Variants in SLC25A1 observed in about 807,000 individuals in gnomAD.
The protein encoded by SLC25A1 is tricarboxylate transport protein, mitochondrial.
SLC25A1 carries 26 observed loss-of-function variants against 38.1 expected under a neutral mutation model. The ratio of observed to expected loss-of-function variants is 0.68; its 90% CI spans 0.50 to 0.95. SLC25A1 has a LOEUF of 0.95. Among genes scored for constraint, SLC25A1 ranks in the 40% least tolerant of loss-of-function variants. The pLI is 0.00. For missense variants in SLC25A1, 378 were observed against 426.6 expected, an observed-to-expected ratio of 0.89 and a Z score of 1.00; for synonymous variants, 211 against 183.2, an observed-to-expected ratio of 1.15 and a Z score of -1.23.
chr22:19,176,332 C>T (rs2083958993), intron 8 of SLC25A1, 88 bp from the exon 9 acceptor site: 1 of 1,559,692 alleles, frequency 6.4e-7, no homozygotes, highest in Non-Finnish European at 8.8e-7. Context: ...GTGAGAGGCA[C>T]AGAGGCCTGA....
In SLC25A1 at chr22:19,175,749, A is replaced by T; in HGVS notation, c.*381T>A. On this transcript the variant is annotated 3_prime_UTR_variant, in exon 9 of 9. Coordinates refer to ENST00000215882, the MANE Select transcript of SLC25A1 (RefSeq NM_005984.5). ...TGAAGCCAGGCCGAGGCCCGGAGGC[A>T]GCTGTGGTAGGCCAGGGCAGGGTGG... 1 of 230,670 alleles carries T rather than the reference A, an allele frequency of 4.3e-6. No individual in the cohort carries two copies. Among genetic ancestry groups the T allele is most frequent in the Non-Finnish European group, 8.6e-6 (1 of 116,362 alleles). The allele number at this position is 230,670 out of a possible 1,614,324, so 14.3% of individuals were successfully genotyped here. A position where few individuals can be genotyped will look rare whatever the true frequency, so the allele number is the denominator to read the frequency against.
chr22:19,176,400 C>T (rs1555922264), intron 8 of SLC25A1, 21 bp downstream of exon 8: 3 of 1,610,248 alleles, frequency 1.9e-6, no homozygotes, highest in Admixed American at 1.7e-5. Context: ...GGGACAATAG[C>T]CCTGCCCCTC....
intron 8 of SLC25A1, 86 bp downstream of exon 8, chr22:19,176,335 A>T: frequency 1.3e-6 from 2 of 1,554,174 alleles, no homozygotes; most frequent in South Asian, 2.2e-5. Flanking sequence ...AGAGGCACAG[A>T]GGCCTGAAGG....
rs1363520917 is a variant in SLC25A1 at position 19,178,421 on chromosome 22, C to A, written c.94+159G>T. On this transcript the variant is annotated intron_variant, in intron 1 of 8. Transcript: ENST00000215882. This position sits in a 1 kb window ranked among gnomAD's most constrained non-coding sequence, Gnocchi z 4.9. ...CCGGCGAGGCGCAGGGGGTGACAGACGGGAGGCGGGCGAGTCCCAGCGCGC... is the reference window on the plus strand; with the variant it reads ...CCGGCGAGGCGCAGGGGGTGACAGAAGGGAGGCGGGCGAGTCCCAGCGCGC... The A allele has an allele frequency of 7.3e-7, 1 of 1,377,828 alleles. No homozygotes were observed. The highest frequency in any genetic ancestry group is 9.3e-7 in the Non-Finnish European group (1 of 1,071,810). 85.4% of individuals were successfully genotyped at this position (1,377,828 alleles called of 1,614,324 possible).
Position 19,176,021 on chromosome 22 carries a change from G to A in SLC25A1, c.*109C>T, listed in dbSNP as rs1192680692. The A allele has an allele frequency of 2.6e-5, 22 of 849,116 alleles. 1 individual carries two copies. Among genetic ancestry groups the A allele is most frequent in the East Asian group, 1.7e-4 (7 of 40,420 alleles). 52.6% of individuals were successfully genotyped at this position (849,116 alleles called of 1,614,324 possible). A position where few individuals can be genotyped will look rare whatever the true frequency, so the allele number is the denominator to read the frequency against. ...ATGCACAGACCAGGCTACAGAGCTC[G>A]AGGGACGTGGGAAGGGGCCTTTTGG... On this transcript the variant is annotated 3_prime_UTR_variant, in exon 9 of 9. Coordinates refer to ENST00000215882, the MANE Select transcript of SLC25A1 (RefSeq NM_005984.5).
Position 19,178,659 on chromosome 22 carries a change from G to A in SLC25A1, c.15C>T (p.Arg5=), listed in dbSNP as rs1430894741. The change falls in exon 1 of 9, where the codon CGC becomes CGT. Residue 5 remains arginine, a synonymous_variant. Coordinates refer to ENST00000215882, the MANE Select transcript of SLC25A1 (RefSeq NM_005984.5). The surrounding 1 kb of genome is among the most constrained non-coding windows in gnomAD (Gnocchi z 4.9). ...CGGCGGCCGCCAGAGCGCGCGGGGC[G>A]CGGGGCGCGGGCATGGCGGGCGGGA... MPAP[R]APRALAAAAP... is the part of the protein sequence containing the mutation. 39 of 1,161,686 alleles carry A rather than the reference G, an allele frequency of 3.4e-5. No homozygotes were observed. Among genetic ancestry groups the A allele is most frequent in the Admixed American group, 2.3e-4 (5 of 21,328 alleles). The allele number at this position is 1,161,686 out of a possible 1,614,324, so 72.0% of individuals were successfully genotyped here.
Position 19,178,690 on chromosome 22 carries a change from G to C in SLC25A1, c.-17C>G. On this transcript the variant is annotated 5_prime_UTR_variant, in exon 1 of 9. Coordinates refer to ENST00000215882, the MANE Select transcript of SLC25A1 (RefSeq NM_005984.5). The surrounding 1 kb of genome is among the most constrained non-coding windows in gnomAD (Gnocchi z 4.9). ...CGCGGGCATGGCGGGCGGGAGGCGG[G>C]GCGCCCTGTGGCGGCTTCGGGTCCG... 3 of 1,061,404 alleles carry C rather than the reference G, an allele frequency of 2.8e-6. No individual in the cohort carries two copies. Among genetic ancestry groups the C allele is most frequent in the Non-Finnish European group, 3.4e-6 (3 of 870,290 alleles). 65.7% of individuals were successfully genotyped at this position (1,061,404 alleles called of 1,614,324 possible). A position where few individuals can be genotyped will look rare whatever the true frequency, so the allele number is the denominator to read the frequency against.
At position 19,176,676 on chromosome 22, in the gene SLC25A1, G is replaced by A. The variant is rs375112677; in HGVS notation, c.649C>T (p.Pro217Ser). 112 of 1,613,834 alleles carry A rather than the reference G, an allele frequency of 6.9e-5. No homozygotes were observed. The highest frequency in any genetic ancestry group is 9.1e-5 in the Non-Finnish European group (107 of 1,179,982). Residue 217 changes from proline to serine, a missense_variant, in exon 7 of 9, where the codon CCC becomes TCC. By Grantham distance (74) the Pro-to-Ser change is moderately conservative. Coordinates refer to ENST00000215882, the MANE Select transcript of SLC25A1 (RefSeq NM_005984.5). ...ACCCCAGTGATCAGAGGGTTCATGG[G>A]CTTGTTGGGGTTGTCCCCTGGATAT... ...NWYRGDNPNKPMNPLITGVFG... is the reference protein window; with the variant it reads ...NWYRGDNPNKSMNPLITGVFG...
rs375772479 is a variant in SLC25A1 at position 19,176,105 on chromosome 22, C to T, written c.*25G>A. 117 of 1,580,602 alleles carry T rather than the reference C, an allele frequency of 7.4e-5. No homozygotes were observed. The African/African-American group carries it at 1.3e-3, about 18-fold the overall frequency. Reference sequence around the variant, plus strand: ...CAGGACACTCTGGCGGTGCCTGGGGCGGTCCCCTTGCGGCCTCTCTAGGCT... The same window carrying T: ...CAGGACACTCTGGCGGTGCCTGGGGTGGTCCCCTTGCGGCCTCTCTAGGCT... On this transcript the variant is annotated 3_prime_UTR_variant, in exon 9 of 9. Coordinates refer to ENST00000215882, the MANE Select transcript of SLC25A1 (RefSeq NM_005984.5).
intron 8 of SLC25A1, 82 bp from the exon 9 acceptor site, chr22:19,176,326 G>A (rs991956377): frequency 1.3e-6 from 2 of 1,553,336 alleles, no homozygotes; most frequent in Non-Finnish European, 8.9e-7. Context: ...ACTGAAGTGA[G>A]AGGCACAGAG....
rs782189346 is a variant in SLC25A1, at chr22:19,177,755, A to T, written c.413T>A (p.Val138Glu). 6.2e-7 allele frequency: 1 copy of T among 1,609,154 alleles called. No individual in the cohort carries two copies. Among genetic ancestry groups the T allele is most frequent in the Non-Finnish European group, 8.5e-7 (1 of 1,179,552 alleles). The change falls in exon 4 of 9, where the codon GTG (valine) becomes GAG (glutamate). Residue 138 changes from valine to glutamate, a missense_variant. Coordinates refer to ENST00000215882, the MANE Select transcript of SLC25A1 (RefSeq NM_005984.5). ...GLGAGVAEAV[V>E]VVCPMETIKV... Reference sequence around the variant, plus strand: ...GATGGTCTCCATGGGGCACACGACCACCACGGCCTCGGCCACGCCAGCGCC... The same window carrying T: ...GATGGTCTCCATGGGGCACACGACCTCCACGGCCTCGGCCACGCCAGCGCC...
In SLC25A1 at chr22:19,176,193, GGCCACA is replaced by G; in HGVS notation, c.867_872del (p.Val290_Ala291del). ...CTTCATCATAGATGACAAACACTATGGCCACATCCAGGCAGACCCGGCCCAGGCGGG... is the reference window on the plus strand; with the variant it reads ...CTTCATCATAGATGACAAACACTATGTCCAGGCAGACCCGGCCCAGGCGGG... On this transcript the variant is annotated inframe_deletion, in exon 9 of 9. Coordinates refer to ENST00000215882, the MANE Select transcript of SLC25A1 (RefSeq NM_005984.5). The G allele has an allele frequency of 6.2e-7, 1 of 1,613,746 alleles. No individual in the cohort carries two copies. The highest frequency in any genetic ancestry group is 1.1e-5 in the South Asian group (1 of 91,078).
Position 19,178,293 on chromosome 22 carries a change from G to C in SLC25A1, c.95-53C>G, listed in dbSNP as rs1555923375. 9.1e-6 allele frequency: 14 copies of C among 1,537,836 alleles called. No individual in the cohort carries two copies. Among genetic ancestry groups the C allele is most frequent in the Non-Finnish European group, 5.3e-6 (6 of 1,141,764 alleles). ...GACTCCCGCCCGGCCGCTGGCGCTC[G>C]GGCCCCTCCCCCGTCCCGGACTTCG... is the stretch of plus-strand genomic sequence containing the variant. On this transcript the variant is annotated intron_variant, in intron 1 of 8. Transcript: ENST00000215882. This position sits in a 1 kb window ranked among gnomAD's most constrained non-coding sequence, Gnocchi z 4.9.
At position 19,176,157 on chromosome 22, in the gene SLC25A1, C is replaced by T. The variant is rs782509120; in HGVS notation, c.909G>A (p.Leu303=). The T allele has an allele frequency of 6.2e-7, 1 of 1,613,960 alleles. No individual in the cohort carries two copies. The highest frequency in any genetic ancestry group is 1.3e-5 in the African/African-American group (1 of 75,040). The change falls in exon 9 of 9, where the codon CTG becomes CTA. Residue 303 remains leucine, a synonymous_variant. Coordinates refer to ENST00000215882, the MANE Select transcript of SLC25A1 (RefSeq NM_005984.5). The part of the protein sequence containing the change: ...VFVIYDEVVK[L]LNKVWKTD The stretch of plus-strand genomic sequence containing the variant: ...AGTCCGTCTTCCACACTTTGTTGAG[C>T]AGCTTCACCACTTCATCATAGATGA...
Position 19,178,527 on chromosome 22 carries a change from G to T in SLC25A1, c.94+53C>A. The T allele has an allele frequency of 1.5e-6, 2 of 1,295,576 alleles. 1 individual carries two copies. The highest frequency in any genetic ancestry group is 4.7e-5 in the South Asian group (2 of 42,246). 80.3% of individuals were successfully genotyped at this position (1,295,576 alleles called of 1,614,324 possible). A position where few individuals can be genotyped will look rare whatever the true frequency, so the allele number is the denominator to read the frequency against. ...AAGTGGGGCGGGGCCTCAGCGTCCCGGGCCCACCCAGAAGCGCGGCGGGAG... is the reference window on the plus strand; with the variant it reads ...AAGTGGGGCGGGGCCTCAGCGTCCCTGGCCCACCCAGAAGCGCGGCGGGAG... On this transcript the variant is annotated intron_variant, in intron 1 of 8. Transcript: ENST00000215882. The surrounding 1 kb of genome is among the most constrained non-coding windows in gnomAD (Gnocchi z 4.9).
chr22:19,177,653 G>C (rs1251077593), intron 4 of SLC25A1, 74 bp downstream of exon 4: 3 of 1,581,298 alleles, frequency 1.9e-6, no homozygotes, highest in Non-Finnish European at 2.6e-6. Context: ...GTTGCCCCGG[G>C]AGCACCGGGC....
Position 19,178,572 on chromosome 22 carries a change from G to C in SLC25A1, c.94+8C>G, listed in dbSNP as rs2084011413. The C allele has an allele frequency of 1.6e-6, 2 of 1,233,076 alleles. No homozygotes were observed. Among genetic ancestry groups the C allele is most frequent in the Admixed American group, 4.3e-5 (1 of 23,054 alleles). The allele number at this position is 1,233,076 out of a possible 1,614,324, so 76.4% of individuals were successfully genotyped here. A position where few individuals can be genotyped will look rare whatever the true frequency, so the allele number is the denominator to read the frequency against. On this transcript the variant is annotated splice_region_variant and intron_variant, in intron 1 of 8. Coordinates refer to ENST00000215882, the MANE Select transcript of SLC25A1 (RefSeq NM_005984.5). This position sits in a 1 kb window ranked among gnomAD's most constrained non-coding sequence, Gnocchi z 4.9. ...CGGGAGAGGGGTCCGCGTCCCGGAG[G>C]GGCCCACCTGCCAGGATCGCCTTCC...
chr22:19,177,971 G>T lies in SLC25A1; in HGVS notation c.273C>A (p.Leu91=). 6.2e-7 allele frequency: 1 copy of T among 1,604,514 alleles called. No individual in the cohort carries two copies. The highest frequency in any genetic ancestry group is 1.1e-5 in the South Asian group (1 of 89,752). Residue 91 remains leucine (L), a synonymous_variant, in exon 3 of 9, where the codon CTC becomes CTA. Coordinates refer to ENST00000215882, the MANE Select transcript of SLC25A1 (RefSeq NM_005984.5). ...LGLYRGLSSL[L]YGSIPKAAVR... ...CGGCCGCCTTGGGGATGGAACCGTA[G>T]AGCAGGGAGCTAAGGCCGCGGTACA...
chr22:19,177,347 G>GC, intron 4 of SLC25A1, 143 bp from the exon 5 acceptor site: 1 of 661,632 alleles, frequency 1.5e-6, no homozygotes, highest in Non-Finnish European at 2.6e-6. Flanking sequence ...GCCCTGGGCT[G>GC]CCCACACGGA....
Sources: gnomAD v4.1 joint callset for allele counts on GRCh38, gnomAD v4.1.1 for gene constraint, Gnocchi (gnomAD v3.1) non-coding constraint, MANE v1.5 for transcripts, NCBI Gene and HGNC (gene_info 2026-07-23, HGNC 2026-07-21) for gene names.